TTC21B: variants seen among roughly 807,000 people sequenced by gnomAD.
TTC21B encodes the protein tetratricopeptide repeat domain 21B.
Under a neutral mutation model 175.1 loss-of-function variants are expected in TTC21B, and 127 were observed. That is an observed-to-expected ratio of 0.73 (90% CI 0.63 to 0.84). The LOEUF (loss-of-function observed/expected upper bound fraction) is 0.84. TTC21B is among the 40% of genes least tolerant of loss of function. The probability of loss-of-function intolerance (pLI) is 0.00; values close to 1 mark genes in which losing one functional copy is unlikely to be tolerated. For synonymous variants in TTC21B, 524 were observed against 524.5 expected (o/e 1.00, Z 0.01); for missense variants, 1,561 against 1,558.3 (o/e 1.00, Z -0.03).
intron 25 of TTC21B, 92 bp downstream of exon 25, chr2:165,888,187 A>C: frequency 4.8e-6 from 5 of 1,035,956 alleles, no homozygotes; most frequent in Non-Finnish European, 7.3e-6. Context: ...TAATTAAGTC[A>C]ATCTTCAGAA....
At chr2:165,949,549 G>T (rs756285290) in intron 2 of TTC21B, 45 bp from the exon 3 acceptor site, 7 of 1,613,662 alleles carry the variant, frequency 4.3e-6, no homozygotes, top group Non-Finnish European at 5.9e-6. Flanking sequence ...TTAGTGCAAA[G>T]CAAGAATTTA....
chr2:165,888,614 A>T, intron 24 of TTC21B, 140 bp from the exon 25 acceptor site: 1 of 689,350 alleles, frequency 1.5e-6, no homozygotes, highest in Non-Finnish European at 2.5e-6. Flanking sequence ...AATCTTTTGT[A>T]AAGAATGTCA....
intron 20 of TTC21B, among the ~76,000 whole-genome samples, chr2:165,900,741 T>C (rs1685530963): frequency 6.6e-6 from 1 of 151,880 alleles, no homozygotes; most frequent in Non-Finnish European, 1.5e-5. Flanking sequence ...TTTTAAATTA[T>C]TTTAAAATTA....
At position 165,953,765 on chromosome 2, in the gene TTC21B, G is replaced by T. The variant is rs1438841300; in HGVS notation, c.-60C>A. 15 of 1,546,450 alleles carry T rather than the reference G, an allele frequency of 9.7e-6. No homozygotes were observed. The highest frequency in any genetic ancestry group is 1.3e-5 in the Non-Finnish European group (15 of 1,145,260). ...ATTGTCTCGCCGCAGCCTAAAGGAA[G>T]ACGCAGAATTCAGCTCCCCTAGCCT... On this transcript the variant is annotated 5_prime_UTR_variant, in exon 1 of 29. Transcript: ENST00000243344.
intron 19 of TTC21B, among the ~76,000 whole-genome samples, chr2:165,903,716 A>G (rs1685640639): frequency 1.3e-5 from 2 of 152,234 alleles, no homozygotes; most frequent in South Asian, 4.1e-4. Flanking sequence ...TAAATTTACC[A>G]TTTCCGTCAT....
At chr2:165,937,022 A>C (rs1270890821) in intron 6 of TTC21B, among the ~76,000 whole-genome samples, 1 of 152,118 alleles carries the variant, frequency 6.6e-6, no homozygotes, top group Non-Finnish European at 1.5e-5. Flanking sequence ...TTTATTCATA[A>C]ATGCCACAAT....
intron 6 of TTC21B, among the ~76,000 whole-genome samples, chr2:165,935,651 C>T (rs1394459199): frequency 6.6e-6 from 1 of 152,126 alleles, no homozygotes; most frequent in Non-Finnish European, 1.5e-5. Context: ...ATATCAATTG[C>T]TTTCCTATGC....
At chr2:165,883,730 A>G (rs1684907961) in intron 26 of TTC21B, 64 bp downstream of exon 26, 1 of 1,290,248 alleles carries the variant, frequency 7.8e-7, no homozygotes. Flanking sequence ...ACACTCAACA[A>G]TATCTATATG....
intron 6 of TTC21B, among the ~76,000 whole-genome samples, chr2:165,937,979 G>T (rs989887581): frequency 6.6e-6 from 1 of 151,988 alleles, no homozygotes. Flanking sequence ...AATGAGCCTG[G>T]ACAGCTTGTC....
chr2:165,944,741 C>T (rs939987569), intron 4 of TTC21B, among the ~76,000 whole-genome samples: 2 of 152,138 alleles, frequency 1.3e-5, no homozygotes, highest in Non-Finnish European at 2.9e-5. Flanking sequence ...CTTCCCTTCT[C>T]GTTATCAACG....
At chr2:165,951,972 C>T (rs1273686404) in intron 1 of TTC21B, among the ~76,000 whole-genome samples, 1 of 152,114 alleles carries the variant, frequency 6.6e-6, no homozygotes, top group African/African-American at 2.4e-5. Flanking sequence ...GAATTGCAAA[C>T]CCCTCATTCT....
chr2:165,882,598 C>G (rs1000238065), intron 26 of TTC21B, among the ~76,000 whole-genome samples: 1 of 152,022 alleles, frequency 6.6e-6, no homozygotes, highest in South Asian at 2.1e-4. Flanking sequence ...AGTCTAGTGT[C>G]GTCTTGTACA....
chr2:165,874,983 A>T lies in TTC21B; in HGVS notation c.3874-151T>A, dbSNP rs1467493834. 5.9e-6 allele frequency: 4 copies of T among 675,494 alleles called. No homozygotes were observed. In the Admixed American group the frequency reaches 7.6e-5, roughly 13 times the overall value. 41.8% of individuals were successfully genotyped at this position (675,494 alleles called of 1,614,324 possible). ...ACACTTTTTAATGGTGGCATTTTAA[A>T]TGTAACATGATGACTCCTTTATATT... On this transcript the variant is annotated intron_variant, in intron 28 of 28. Coordinates refer to ENST00000243344, the MANE Select transcript of TTC21B (RefSeq NM_024753.5).
chr2:165,930,298 G>C lies in TTC21B; in HGVS notation c.961C>G (p.Pro321Ala), dbSNP rs1469730049. 1 of 1,612,718 alleles carries C rather than the reference G, an allele frequency of 6.2e-7. No individual in the cohort carries two copies. Among genetic ancestry groups the C allele is most frequent in the Admixed American group, 1.7e-5 (1 of 59,888 alleles). ...TLLERAFSLN[P>A]QQSEFATELG... Reference sequence around the variant, plus strand: ...TCTGTAGCAAATTCTGATTGCTGAGGGTTTAAACTAAAAGCTCTCTCAAGT... The same window carrying C: ...TCTGTAGCAAATTCTGATTGCTGAGCGTTTAAACTAAAAGCTCTCTCAAGT... Residue 321 changes from proline (P) to alanine (A), a missense_variant, in exon 9 of 29, where the codon CCT (proline) becomes GCT (alanine). Coordinates refer to ENST00000243344, the MANE Select transcript of TTC21B (RefSeq NM_024753.5).
chr2:165,915,354 T>A lies in TTC21B; in HGVS notation c.1985A>T (p.Asp662Val). Residue 662 changes from aspartate (D) to valine (V), a missense_variant, in exon 15 of 29, where the codon GAC (aspartate) becomes GTC (valine). Physicochemically the swap from Asp to Val is radical, Grantham distance 152 (BLOSUM62 -3). Coordinates refer to ENST00000243344, the MANE Select transcript of TTC21B (RefSeq NM_024753.5). ...AATATCTCCTTGGGCTAGAGCAAGG[T>A]CTGCATTAGCAATGGTAACCCGCAC... The part of the protein sequence containing the change: ...EEVRVTIANA[D>V]LALAQGDIER... 6.2e-7 allele frequency: 1 copy of A among 1,614,078 alleles called. No homozygotes were observed. The highest frequency in any genetic ancestry group is 8.5e-7 in the Non-Finnish European group (1 of 1,179,954).
intron 27 of TTC21B, among the ~76,000 whole-genome samples, chr2:165,878,680 AT>A (rs60789699): frequency 0.14 from 17,791 of 130,818 alleles, 803 homozygotes; most frequent in South Asian, 0.18. Flanking sequence ...CATGAGCACG[AT>A]TTTTTTTTTT....
intron 1 of TTC21B, among the ~76,000 whole-genome samples, chr2:165,951,655 T>C (rs1347397582): frequency 6.6e-6 from 1 of 152,200 alleles, no homozygotes; most frequent in Non-Finnish European, 1.5e-5. Context: ...CAGGTTAGGT[T>C]ATTCAATCCA....
chr2:165,936,096 TGTG>T (rs34562054), intron 6 of TTC21B, among the ~76,000 whole-genome samples: 26,151 of 152,062 alleles, frequency 0.17, 2,684 homozygotes, highest in Middle Eastern at 0.24. Flanking sequence ...AAGAGAGTAG[TGTG>T]GTATTGGTGA....
intron 7 of TTC21B, among the ~76,000 whole-genome samples, chr2:165,932,187 A>G (rs1686935786): frequency 6.6e-6 from 1 of 152,150 alleles, no homozygotes; most frequent in South Asian, 2.1e-4. Flanking sequence ...CAAATGAGAT[A>G]CGAATGATAA....
Sources: allele counts gnomAD v4.1 joint callset (sites outside exome capture counted in the v4.1 genomes callset), GRCh38; gene constraint gnomAD v4.1.1; transcripts MANE v1.5; gene names NCBI Gene and HGNC (gene_info 2026-07-23, HGNC 2026-07-21).